CEP112: variants seen among roughly 807,000 people sequenced by gnomAD.
CEP112 encodes the protein centrosomal protein 112, also known as centrosomal protein of 112 kDa.
A neutral mutation model predicts 153.0 loss-of-function variants in CEP112; 127 were observed. The ratio of observed to expected loss-of-function variants is 0.83; its 90% confidence interval spans 0.72 to 0.96. The LOEUF (loss-of-function observed/expected upper bound fraction) is 0.96, where lower values mean the gene tolerates loss of function less well. Among genes scored for constraint, CEP112 ranks in the 40% least tolerant of loss-of-function variants. The pLI, the probability that CEP112 is intolerant of heterozygous loss-of-function variation, is 0.00. For missense variants in CEP112, 1,089 were observed against 1,101.2 expected, an observed-to-expected ratio of 0.99 and a Z score of 0.16; for synonymous variants, 358 against 374.4, an observed-to-expected ratio of 0.96 and a Z score of 0.51.
chr17:65,845,884 T>C (rs2057708439), intron 21 of CEP112, among the ~76,000 whole-genome samples: 1 of 152,244 alleles, frequency 6.6e-6, no homozygotes, highest in Non-Finnish European at 1.5e-5. Context: ...CATGTTTCTC[T>C]TAACTCAAAA....
At chr17:66,138,022 T>G (rs1052024451) in intron 4 of CEP112, among the ~76,000 whole-genome samples, 1 of 151,514 alleles carries the variant, frequency 6.6e-6, no homozygotes, top group African/African-American at 2.4e-5. Context: ...ACACCAGGAG[T>G]CCAGTCTAGG....
chr17:65,751,951 C>CA (rs2051881376), intron 21 of CEP112, among the ~76,000 whole-genome samples: 1 of 119,506 alleles, frequency 8.4e-6, no homozygotes, highest in African/African-American at 3.3e-5. Context: ...CAATACAGTC[C>CA]TTCTATCTAT....
rs149366534 is a variant in CEP112 at position 65,919,255 on chromosome 17, G to A, written c.1980+8327C>T. Among the ~76,000 whole-genome samples, 774 of 152,220 alleles carry A rather than the reference G, an allele frequency of 5.1e-3. 18 individuals carry two copies. In the South Asian group the frequency reaches 0.059, roughly 12 times the overall value. On this transcript the variant is annotated intron_variant, in intron 19 of 26. Transcript: ENST00000535342. The stretch of plus-strand genomic sequence containing the variant: ...AATGTTACCTCAATAGTAAAACTAC[G>A]TTGCTTTCCCACAATCGAACTGAGT...
chr17:65,698,354 T>C (rs7223021), intron 23 of CEP112, among the ~76,000 whole-genome samples: 1,929 of 152,310 alleles, frequency 0.013, 32 homozygotes, highest in African/African-American at 0.044. Context: ...TTTGTTATTC[T>C]CCAAGTACGA....
At chr17:66,033,643 T>C (rs2065588041) in intron 12 of CEP112, among the ~76,000 whole-genome samples, 1 of 152,238 alleles carries the variant, frequency 6.6e-6, no homozygotes, top group Admixed American at 6.5e-5. Context: ...TCCACCTAAA[T>C]GTCATCTTGT....
chr17:65,860,124 G>A (rs980073591), intron 20 of CEP112, among the ~76,000 whole-genome samples: 3 of 151,852 alleles, frequency 2.0e-5, no homozygotes, highest in African/African-American at 7.3e-5. Flanking sequence ...TTAGCGTGAT[G>A]TCTGAATAAA....
chr17:65,698,785 TTCC>T (rs1478280534), intron 23 of CEP112, among the ~76,000 whole-genome samples: 5 of 152,162 alleles, frequency 3.3e-5, no homozygotes, highest in African/African-American at 1.2e-4. Context: ...ATAGAGGAAT[TTCC>T]TCGTCTGGCC....
chr17:66,078,823 T>C (rs1010453919), intron 8 of CEP112, among the ~76,000 whole-genome samples: 6 of 152,200 alleles, frequency 3.9e-5, no homozygotes, highest in Non-Finnish European at 7.3e-5. Flanking sequence ...GGCTTGGTAG[T>C]GGCAAATTCT....
At chr17:65,746,121 C>A (rs986895377) in intron 22 of CEP112, among the ~76,000 whole-genome samples, 2 of 138,680 alleles carry the variant, frequency 1.4e-5, no homozygotes, top group South Asian at 4.5e-4. Context: ...GCCAAGATTG[C>A]GCCATTTCAC....
At chr17:65,636,011 GT>G (rs764718535) in intron 26 of CEP112, 37 bp from the exon 27 acceptor site, 12 of 1,585,936 alleles carry the variant, frequency 7.6e-6, no homozygotes, top group African/African-American at 2.7e-5. Flanking sequence ...CTTTCTCTAG[GT>G]TTAACAGGTA....
At chr17:65,714,374 T>A (rs1020098238) in intron 23 of CEP112, among the ~76,000 whole-genome samples, 1 of 152,200 alleles carries the variant, frequency 6.6e-6, no homozygotes, top group Non-Finnish European at 1.5e-5. Flanking sequence ...AAGTCAACAC[T>A]ACATATTTTA....
chr17:66,136,198 C>A (rs1002423796), intron 4 of CEP112, among the ~76,000 whole-genome samples: 3 of 152,166 alleles, frequency 2.0e-5, no homozygotes, highest in African/African-American at 7.2e-5. Flanking sequence ...TTGGGAACTG[C>A]TGAGAACGAA....
At chr17:65,707,660 T>G (rs747472808) in intron 23 of CEP112, among the ~76,000 whole-genome samples, 3 of 152,206 alleles carry the variant, frequency 2.0e-5, no homozygotes, top group Non-Finnish European at 2.9e-5. Context: ...CTTCCCTTCT[T>G]TCATCTTTAA....
At position 65,786,572 on chromosome 17, in the gene CEP112, CT is replaced by C. The variant is rs1195368604; in HGVS notation, c.2395-35849del. The stretch of plus-strand genomic sequence containing the variant: ...AATGCTGTTTTGTCTTTAGCCAATT[CT>C]TTTTTTTTTTTTTTTTTTTGCTGTT... On this transcript the variant is annotated intron_variant, in intron 21 of 26. Coordinates refer to ENST00000535342, the MANE Select transcript of CEP112 (RefSeq NM_001199165.4). 8.6e-3 allele frequency among the ~76,000 whole-genome samples: 878 copies of C among 101,604 alleles called. 3 individuals are homozygous for C. Among genetic ancestry groups the C allele is most frequent in the Admixed American group, 0.01 (97 of 9,586 alleles). The allele number at this position is 101,604 out of a possible 152,430, so 66.7% of individuals were successfully genotyped here.
At chr17:66,067,574 T>C (rs538838402) in intron 9 of CEP112, among the ~76,000 whole-genome samples, 13 of 152,118 alleles carry the variant, frequency 8.5e-5, no homozygotes, top group Non-Finnish European at 1.3e-4. Flanking sequence ...AACTTTTCAA[T>C]GAGCATAATA....
chr17:65,829,984 G>A (rs909319459), intron 21 of CEP112, among the ~76,000 whole-genome samples: 1 of 152,112 alleles, frequency 6.6e-6, no homozygotes, highest in African/African-American at 2.4e-5. Context: ...GTTCTTATTT[G>A]TAATCATTTC....
At chr17:66,113,880 A>G (rs2069166348) in intron 6 of CEP112, among the ~76,000 whole-genome samples, 1 of 152,232 alleles carries the variant, frequency 6.6e-6, no homozygotes, top group African/African-American at 2.4e-5. Flanking sequence ...TTGTAACAGC[A>G]GCCAGATGTG....
At chr17:65,756,405 C>CAAAAAAA (rs766476895) in intron 21 of CEP112, among the ~76,000 whole-genome samples, 23 of 30,510 alleles carry the variant, frequency 7.5e-4, no homozygotes, top group East Asian at 1.5e-3. Context: ...GACTCCGTCT[C>CAAAAAAA]AAAAAAAAAA....
intron 24 of CEP112, among the ~76,000 whole-genome samples, chr17:65,647,815 C>T (rs564788105): frequency 6.6e-6 from 1 of 152,038 alleles, no homozygotes; most frequent in Admixed American, 6.6e-5. Flanking sequence ...CACCTCTGAC[C>T]CAGGCTGTGT....
Sources: allele counts gnomAD v4.1 joint callset (sites outside exome capture counted in the v4.1 genomes callset), GRCh38; gene constraint gnomAD v4.1.1; transcripts MANE v1.5; gene names NCBI Gene and HGNC (gene_info 2026-07-23, HGNC 2026-07-21).